Variants in ARL15 observed in about 807,000 individuals in gnomAD.
ARL15 encodes ADP-ribosylation factor-like protein 15.
ARL15 carries 19 observed loss-of-function variants against 25.2 expected under a neutral mutation model. The observed-to-expected ratio is 0.75, with a 90% confidence interval of 0.53 to 1.10. The LOEUF (loss-of-function observed/expected upper bound fraction) is 1.10, where lower values mean the gene tolerates loss of function less well. Ranked by LOEUF, ARL15 falls within the 50% of genes least tolerant of loss-of-function variation. The pLI is 0.00. For missense variants in ARL15, 220 were observed against 246.0 expected, an observed-to-expected ratio of 0.89 and a Z score of 0.71; for synonymous variants, 94 against 86.8, an observed-to-expected ratio of 1.08 and a Z score of -0.46.
At chr5:54,005,498 G>T (rs1482759476) in intron 4 of ARL15, among the ~76,000 whole-genome samples, 1 of 152,098 alleles carries the variant, frequency 6.6e-6, no homozygotes, top group Non-Finnish European at 1.5e-5. Context: ...AAGGCGGGTG[G>T]ATCACCTGAG....
intron 1 of ARL15, among the ~76,000 whole-genome samples, chr5:54,189,724 A>G (rs1260870790): frequency 6.6e-6 from 1 of 152,236 alleles, no homozygotes; most frequent in Non-Finnish European, 1.5e-5. Context: ...TTAGAAAAAA[A>G]CACAGGGCAA....
chr5:54,030,270 A>G (rs566220438), intron 4 of ARL15, among the ~76,000 whole-genome samples: 11 of 152,294 alleles, frequency 7.2e-5, no homozygotes, highest in African/African-American at 2.6e-4. Context: ...TAAGACACAT[A>G]AGGGCTTCAA....
At chr5:54,056,496 G>C (rs779123143) in intron 4 of ARL15, among the ~76,000 whole-genome samples, 2 of 151,822 alleles carry the variant, frequency 1.3e-5, no homozygotes, top group Non-Finnish European at 1.5e-5. Flanking sequence ...TGGGCATGCT[G>C]GCGTGCCCCT....
chr5:54,286,238 C>T (rs1393040799), intron 1 of ARL15: 1 of 152,044 alleles, frequency 6.6e-6, no homozygotes, highest in Non-Finnish European at 1.5e-5. Context: ...TGATAATCTA[C>T]CCAAAGAGAA....
intron 3 of ARL15, 82 bp downstream of exon 3, chr5:54,154,495 CATT>C: frequency 2.4e-6 from 2 of 819,086 alleles, no homozygotes; most frequent in Non-Finnish European, 1.9e-6. Flanking sequence ...AATAAGTTAT[CATT>C]ATGTTTGAAT....
intron 4 of ARL15, among the ~76,000 whole-genome samples, chr5:54,104,536 G>A (rs1161418876): frequency 6.6e-6 from 1 of 151,776 alleles, no homozygotes; most frequent in Non-Finnish European, 1.5e-5. Flanking sequence ...TTCTTATTGG[G>A]GTTAATTTAT....
chr5:54,031,276 A>T (rs1055004703), intron 4 of ARL15, among the ~76,000 whole-genome samples: 1 of 152,208 alleles, frequency 6.6e-6, no homozygotes, highest in East Asian at 1.9e-4. Context: ...GGGAAAGATA[A>T]CTTGATGCTC....
chr5:54,283,894 C>CT (rs1758121765), intron 1 of ARL15, among the ~76,000 whole-genome samples: 1 of 152,102 alleles, frequency 6.6e-6, no homozygotes, highest in South Asian at 2.1e-4. Context: ...GAGAAGAGCC[C>CT]TTTTTTGCTC....
At chr5:54,229,003 C>T (rs1435317694) in intron 1 of ARL15, among the ~76,000 whole-genome samples, 2 of 152,108 alleles carry the variant, frequency 1.3e-5, no homozygotes, top group African/African-American at 2.4e-5. Context: ...TTCTGGGGGG[C>T]ATCTGGGACA....
intron 4 of ARL15, among the ~76,000 whole-genome samples, chr5:54,071,015 C>T (rs1201263020): frequency 6.6e-6 from 1 of 150,850 alleles, no homozygotes; most frequent in African/African-American, 2.4e-5. Flanking sequence ...TGAAAAAACA[C>T]AAAAATTAGC....
At position 54,253,859 on chromosome 5, in the gene ARL15, G is replaced by A. The variant is rs113510851; in HGVS notation, c.48+56573C>T. On this transcript the variant is annotated intron_variant, in intron 1 of 4. Transcript: ENST00000504924. Reference sequence around the variant, plus strand: ...CCCACCCTGGCCTCCCAAAGTGCTGGGATAACAGGCATTAGCCACCATGCC... The same window carrying A: ...CCCACCCTGGCCTCCCAAAGTGCTGAGATAACAGGCATTAGCCACCATGCC... Among the ~76,000 whole-genome samples, 953 of 152,194 alleles carry A rather than the reference G, an allele frequency of 6.3e-3. 7 individuals are homozygous for A. Among genetic ancestry groups the A allele is most frequent in the African/African-American group, 0.022 (912 of 41,530 alleles).
intron 4 of ARL15, among the ~76,000 whole-genome samples, chr5:54,059,471 T>C (rs1212541540): frequency 1.3e-5 from 2 of 152,252 alleles, no homozygotes; most frequent in Non-Finnish European, 2.9e-5. Context: ...ATTTAAATAA[T>C]GGCATGAGCC....
At chr5:54,284,915 C>T (rs761789882) in intron 1 of ARL15, among the ~76,000 whole-genome samples, 3 of 152,102 alleles carry the variant, frequency 2.0e-5, no homozygotes, top group Non-Finnish European at 4.4e-5. Context: ...AACCAAACTT[C>T]CTTTGATCAC....
In ARL15 at chr5:54,162,002, C is replaced by CAT. The variant is rs1754418109; in HGVS notation, c.194-7364_194-7363insAT. Among the ~76,000 whole-genome samples, 3 of 70,424 alleles carry CAT rather than the reference C, an allele frequency of 4.3e-5. No individual in the cohort carries two copies. The Admixed American group carries it at 4.5e-4, about 10-fold the overall frequency. 46.2% of individuals were successfully genotyped at this position (70,424 alleles called of 152,430 possible). A position where few individuals can be genotyped will look rare whatever the true frequency, so the allele number is the denominator to read the frequency against. ...TTCTTTACTTACACACACACATACACACACACACACACACACACACACAGA... is the reference window on the plus strand; with the variant it reads ...TTCTTTACTTACACACACACATACACATACACACACACACACACACACACAGA... On this transcript the variant is annotated intron_variant, in intron 2 of 4. Transcript: ENST00000504924.
chr5:53,961,786 G>C (rs1432860560), intron 4 of ARL15, among the ~76,000 whole-genome samples: 2 of 152,082 alleles, frequency 1.3e-5, no homozygotes, highest in African/African-American at 4.8e-5. Context: ...TATGTTATAG[G>C]AGTCTGTGTT....
At chr5:54,118,455 T>C (rs1304145682) in intron 3 of ARL15, among the ~76,000 whole-genome samples, 1 of 152,184 alleles carries the variant, frequency 6.6e-6, no homozygotes, top group Admixed American at 6.5e-5. Context: ...TATTAACATG[T>C]TATGAGCTTA....
At chr5:53,970,222 A>C (rs967660170) in intron 4 of ARL15, among the ~76,000 whole-genome samples, 1 of 152,208 alleles carries the variant, frequency 6.6e-6, no homozygotes, top group Middle Eastern at 3.2e-3. Context: ...ACTATGAAAC[A>C]TAATTTGATG....
Position 54,178,796 on chromosome 5 carries a change from T to A in ARL15, c.49-6868A>T, listed in dbSNP as rs547054203. 9.1e-4 allele frequency among the ~76,000 whole-genome samples: 138 copies of A among 152,314 alleles called. No homozygotes were observed. The Middle Eastern group carries it at 0.024, about 26-fold the overall frequency. Reference sequence around the variant, plus strand: ...TGACTTGATTTAGAACAAAATATTTTCCAGGTCTGTAACAGTCAGTTATGG... The same window carrying A: ...TGACTTGATTTAGAACAAAATATTTACCAGGTCTGTAACAGTCAGTTATGG... On this transcript the variant is annotated intron_variant, in intron 1 of 4. Coordinates refer to ENST00000504924, the MANE Select transcript of ARL15 (RefSeq NM_019087.3).
chr5:53,935,811 A>G (rs1475461825), intron 4 of ARL15, among the ~76,000 whole-genome samples: 2 of 152,152 alleles, frequency 1.3e-5, no homozygotes, highest in East Asian at 3.9e-4. Context: ...GCTGGAGTAC[A>G]GTGGTGCGAT....
Sources: allele counts gnomAD v4.1 joint callset (sites outside exome capture counted in the v4.1 genomes callset), GRCh38; gene constraint gnomAD v4.1.1; transcripts MANE v1.5; gene names NCBI Gene and HGNC (gene_info 2026-07-23, HGNC 2026-07-21).